Variants in ZNF385D observed in about 807,000 individuals in gnomAD.
The protein encoded by ZNF385D is zinc finger protein 385D.
ZNF385D carries 15 observed loss-of-function variants against 35.8 expected under a neutral mutation model. That is an observed-to-expected ratio of 0.42 (90% CI 0.28 to 0.64). ZNF385D has a LOEUF of 0.64. Ranked by LOEUF, ZNF385D falls within the 30% of genes least tolerant of loss-of-function variation. The pLI, the probability that ZNF385D is intolerant of heterozygous loss-of-function variation, is 0.23. For missense variants in ZNF385D, 474 were observed against 494.6 expected (o/e 0.96, Z 0.39); for synonymous variants, 212 against 186.8 (o/e 1.13, Z -1.10).
chr3:21,822,520 T>G (rs1244004508), intron 3 of ZNF385D, among the ~76,000 whole-genome samples: 1 of 152,194 alleles, frequency 6.6e-6, no homozygotes, highest in East Asian at 1.9e-4. Flanking sequence ...AAATGATTTG[T>G]CATTACCTAG....
intron 3 of ZNF385D, among the ~76,000 whole-genome samples, chr3:22,045,860 C>T (rs1247339306): frequency 1.3e-5 from 2 of 152,006 alleles, no homozygotes; most frequent in Non-Finnish European, 2.9e-5. Flanking sequence ...ACTCAAAACT[C>T]GAGCTCTTTG....
intron 3 of ZNF385D, among the ~76,000 whole-genome samples, chr3:21,791,631 T>C (rs1395030860): frequency 6.6e-6 from 1 of 152,218 alleles, no homozygotes; most frequent in Non-Finnish European, 1.5e-5. Context: ...GTTTTCACTA[T>C]TTAATGGCCT....
chr3:21,732,923 C>T (rs1470571922), intron 1 of ZNF385D, among the ~76,000 whole-genome samples: 5 of 152,138 alleles, frequency 3.3e-5, no homozygotes, highest in Non-Finnish European at 7.4e-5. Context: ...TTCCGTCTTT[C>T]GTGGATCATG....
chr3:22,245,632 C>A (rs554668997), intron 2 of ZNF385D, among the ~76,000 whole-genome samples: 1 of 151,956 alleles, frequency 6.6e-6, no homozygotes, highest in South Asian at 2.1e-4. Flanking sequence ...TGACAGCTTG[C>A]CACAACAGAC....
At chr3:21,947,797 A>G (rs1290484919) in intron 3 of ZNF385D, among the ~76,000 whole-genome samples, 1 of 151,998 alleles carries the variant, frequency 6.6e-6, no homozygotes, top group African/African-American at 2.4e-5. Context: ...GGTTTCAATC[A>G]TTGGTGTTAT....
intron 3 of ZNF385D, among the ~76,000 whole-genome samples, chr3:22,005,289 A>G (rs570493185): frequency 1.3e-5 from 2 of 152,006 alleles, no homozygotes; most frequent in African/African-American, 4.8e-5. Context: ...AAAAATAAGA[A>G]ATTCTGAAAA....
chr3:21,774,006 C>T (rs1429109453), intron 3 of ZNF385D, among the ~76,000 whole-genome samples: 1 of 152,000 alleles, frequency 6.6e-6, no homozygotes, highest in East Asian at 1.9e-4. Flanking sequence ...ATAGTCAAGA[C>T]ATGGAGTCAA....
intron 3 of ZNF385D, among the ~76,000 whole-genome samples, chr3:21,889,817 A>G (rs1401952867): frequency 6.6e-6 from 1 of 152,162 alleles, no homozygotes; most frequent in African/African-American, 2.4e-5. Context: ...TTTGTGATCA[A>G]GTGTCAGCAG....
intron 3 of ZNF385D, among the ~76,000 whole-genome samples, chr3:21,834,941 T>A (rs1230459492): frequency 1.3e-5 from 2 of 152,138 alleles, no homozygotes; most frequent in Admixed American, 1.3e-4. Flanking sequence ...TGTAGAATGG[T>A]GAGTCAATTG....
intron 4 of ZNF385D, among the ~76,000 whole-genome samples, chr3:21,459,095 G>C (rs972474002): frequency 6.6e-6 from 1 of 152,156 alleles, no homozygotes; most frequent in Non-Finnish European, 1.5e-5. Flanking sequence ...TCTATGAAAT[G>C]TTAACTCATA....
At chr3:21,900,031 C>CA (rs986901019) in intron 3 of ZNF385D, among the ~76,000 whole-genome samples, 5 of 151,914 alleles carry the variant, frequency 3.3e-5, no homozygotes, top group African/African-American at 9.7e-5. Flanking sequence ...ACCCTATGTT[C>CA]AAAAAAAGCA....
At position 22,221,322 on chromosome 3, in the gene ZNF385D, C is replaced by A. The variant is rs138531464; in HGVS notation, c.107-52287G>T. Among the ~76,000 whole-genome samples the A allele has an allele frequency of 2.5e-3, 385 of 152,008 alleles. 1 individual carries two copies. Among genetic ancestry groups the A allele is most frequent in the African/African-American group, 9.1e-3 (376 of 41,484 alleles). On this transcript the variant is annotated intron_variant, in intron 2 of 5. Coordinates refer to the ZNF385D transcript ENST00000494108. ...TATGTAAGAAAACTTGTTATAAAAC[C>A]TGTGTATTTATTTCTCAGCTTCAAA...
Position 21,750,942 on chromosome 3 carries a change from C to A in ZNF385D, c.-26G>T. 1 of 1,614,100 alleles carries A rather than the reference C, an allele frequency of 6.2e-7. No individual in the cohort carries two copies. ...TAATCAGACAGCTGGAATCCCACCG[C>A]GGTGTCTTCAGCATCAGCTCTCACC... On this transcript the variant is annotated 5_prime_UTR_variant, in exon 1 of 8. Transcript: ENST00000281523.
intron 2 of ZNF385D, among the ~76,000 whole-genome samples, chr3:22,245,596 T>C (rs745695375): frequency 3.4e-4 from 51 of 152,098 alleles, no homozygotes; most frequent in Non-Finnish European, 6.0e-4. Context: ...CATTTTAATT[T>C]TAAAATGGAA....
At chr3:21,976,303 C>G (rs779627971) in intron 3 of ZNF385D, among the ~76,000 whole-genome samples, 25 of 152,028 alleles carry the variant, frequency 1.6e-4, no homozygotes, top group Non-Finnish European at 8.8e-5. Flanking sequence ...AGAAACATAT[C>G]TACATGTGAC....
chr3:21,796,768 A>G (rs1387783048), intron 3 of ZNF385D, among the ~76,000 whole-genome samples: 2 of 152,204 alleles, frequency 1.3e-5, no homozygotes, highest in African/African-American at 4.8e-5. Context: ...TCAAGGTGAC[A>G]CATCTAGTTA....
chr3:22,100,749 G>A (rs1455523777), intron 3 of ZNF385D, among the ~76,000 whole-genome samples: 1 of 151,180 alleles, frequency 6.6e-6, no homozygotes, highest in African/African-American at 2.4e-5. Flanking sequence ...CGAGTTAGTG[G>A]GTGTAGCGCA....
At chr3:21,586,700 G>A (rs1459708025) in intron 2 of ZNF385D, among the ~76,000 whole-genome samples, 1 of 152,102 alleles carries the variant, frequency 6.6e-6, no homozygotes, top group Non-Finnish European at 1.5e-5. Context: ...GACAGAAGAT[G>A]TTTCCTGCAT....
At chr3:21,785,277 T>C (rs920050824) in intron 3 of ZNF385D, among the ~76,000 whole-genome samples, 1 of 152,206 alleles carries the variant, frequency 6.6e-6, no homozygotes, top group Non-Finnish European at 1.5e-5. Flanking sequence ...TATATATATA[T>C]GGTTCATAAC....
Sources: gnomAD v4.1 joint callset for allele counts (sites outside exome capture counted in the v4.1 genomes callset) on GRCh38, gnomAD v4.1.1 for gene constraint, MANE v1.5 for transcripts, NCBI Gene and HGNC (gene_info 2026-07-23, HGNC 2026-07-21) for gene names.